Variants in CEP350 observed in about 807,000 individuals in gnomAD.
CEP350 encodes the protein centrosomal protein 350.
In CEP350, 126 loss-of-function variants were observed where a neutral mutation model predicts 331.8. The observed-to-expected ratio is 0.38, with a 90% CI of 0.33 to 0.44. The LOEUF (loss-of-function observed/expected upper bound fraction) is 0.44. Among genes scored for constraint, CEP350 ranks in the 20% least tolerant of loss-of-function variants. CEP350 has a pLI of 1.00. For missense variants in CEP350, 3,406 were observed against 3,634.6 expected (o/e 0.94, Z 1.62); for synonymous variants, 1,200 against 1,259.5 (o/e 0.95, Z 1.00).
chr1:179,997,155 C>T lies in CEP350; in HGVS notation c.998C>T (p.Pro333Leu). 1 of 1,613,282 alleles carries T rather than the reference C, an allele frequency of 6.2e-7. No individual in the cohort carries two copies. Among genetic ancestry groups the T allele is most frequent in the East Asian group, 2.2e-5 (1 of 44,872 alleles). The change falls in exon 6 of 38, where the codon CCA (proline) becomes CTA (leucine). Residue 333 changes from proline to leucine, a missense_variant. Physicochemically the swap from Pro to Leu is moderately conservative, Grantham distance 98. Transcript: ENST00000367607. Reference sequence around the variant, plus strand: ...AAAGTCAGAAAAGTGGCAACAGCACCACCTGCTCCAGCATATAAAGGTTTG... The same window carrying T: ...AAAGTCAGAAAAGTGGCAACAGCACTACCTGCTCCAGCATATAAAGGTTTG... ...TAKVRKVATAPPAPAYKGFNP... is the reference protein window; with the variant it reads ...TAKVRKVATALPAPAYKGFNP...
intron 1 of CEP350, among the ~76,000 whole-genome samples, chr1:179,981,179 A>G (rs542901511): frequency 1.3e-5 from 2 of 152,300 alleles, no homozygotes; most frequent in South Asian, 2.1e-4. Flanking sequence ...TATGAAATGG[A>G]CAAAAATTCA....
At position 180,020,249 on chromosome 1, in the gene CEP350, T is replaced by C; in HGVS notation, c.2475T>C (p.Ile825=). Residue 825 remains isoleucine, a synonymous_variant, in exon 12 of 38, where the codon ATT becomes ATC. Transcript: ENST00000367607. The part of the protein sequence containing the change: ...ASQYKSKLDR[I]EALKATAASL... The stretch of plus-strand genomic sequence containing the variant: ...AATATAAGAGTAAACTGGATCGTAT[T>C]GAAGCCTTGAAAGCAACAGCTGCTT... The C allele has an allele frequency of 6.2e-7, 1 of 1,614,060 alleles. No homozygotes were observed.
At chr1:180,069,914 T>G (rs1658781831) in intron 27 of CEP350, among the ~76,000 whole-genome samples, 1 of 152,220 alleles carries the variant, frequency 6.6e-6, no homozygotes, top group East Asian at 1.9e-4. Flanking sequence ...TGTTTTAGTT[T>G]AGCTAGGTAG....
intron 22 of CEP350, chr1:180,052,081 A>G (rs747410941): frequency 1.6e-5 from 5 of 321,912 alleles, no homozygotes; most frequent in Non-Finnish European, 2.4e-5. Flanking sequence ...ATGCGTAACT[A>G]TGTGCACACA....
At chr1:179,998,303 CTTTTTTTTTTTTT>C (rs763257368) in intron 6 of CEP350, among the ~76,000 whole-genome samples, 3 of 112,080 alleles carry the variant, frequency 2.7e-5, no homozygotes, top group Non-Finnish European at 1.9e-5. Flanking sequence ...CTTCTATTTT[CTTTTTTTTTTTTT>C]TTTTTTTTTT....
intron 8 of CEP350, among the ~76,000 whole-genome samples, chr1:180,009,982 G>T (rs2148789465): frequency 6.6e-6 from 1 of 151,936 alleles, no homozygotes; most frequent in East Asian, 1.9e-4. Context: ...CAGAAAGCTG[G>T]GAAAATAGAA....
At position 180,020,321 on chromosome 1, in the gene CEP350, C is replaced by T. The variant is rs1338298724; in HGVS notation, c.2547C>T (p.Ala849=). 1.2e-6 allele frequency: 2 copies of T among 1,613,752 alleles called. No individual in the cohort carries two copies. Among genetic ancestry groups the T allele is most frequent in the African/African-American group, 2.7e-5 (2 of 74,892 alleles). Residue 849 remains alanine (A), a synonymous_variant, in exon 12 of 38, where the codon GCC becomes GCT. Coordinates refer to ENST00000367607, the MANE Select transcript of CEP350 (RefSeq NM_014810.5). ...IESEAKKLAG[A]SINYGSAWNT... is the part of the protein sequence containing the mutation. ...GTGAAGCCAAGAAATTAGCTGGGGC[C>T]AGCATTAACTATGGGTCAGCATGGA...
intron 10 of CEP350, 132 bp from the exon 11 acceptor site, chr1:180,015,717 T>A: frequency 8.9e-7 from 1 of 1,121,734 alleles, no homozygotes; most frequent in Non-Finnish European, 1.2e-6. Flanking sequence ...TTAATTGGTT[T>A]TGTTTGACAA....
In CEP350 at chr1:180,114,290, T is replaced by C. The variant is rs1324310522; in HGVS notation, c.*3129T>C. The C allele has an allele frequency of 6.5e-6, 1 of 152,676 alleles. No homozygotes were observed. Among genetic ancestry groups the C allele is most frequent in the African/African-American group, 2.4e-5 (1 of 41,466 alleles). 9.5% of individuals were successfully genotyped at this position (152,676 alleles called of 1,614,324 possible). On this transcript the variant is annotated 3_prime_UTR_variant, in exon 38 of 38. Transcript: ENST00000367607. ...CAGCATTAGAGACTCATAACTTTTC[T>C]GCAAGAAATACAAACTTACATCTTC...
rs184997478 is a variant in CEP350 at position 179,994,096 on chromosome 1, C to T, written c.395+1875C>T. ...TAAATATTTTTTCCTAAAATATTAC[C>T]AGGAAAAATTTCAAATTTACAGAAA... On this transcript the variant is annotated intron_variant, in intron 5 of 37. Coordinates refer to ENST00000367607, the MANE Select transcript of CEP350 (RefSeq NM_014810.5). Among the ~76,000 whole-genome samples, 581 of 152,054 alleles carry T rather than the reference C, an allele frequency of 3.8e-3. 4 individuals are homozygous for T. Among genetic ancestry groups the T allele is most frequent in the South Asian group, 8.9e-3 (43 of 4,806 alleles).
intron 1 of CEP350, among the ~76,000 whole-genome samples, chr1:179,963,345 G>C (rs774840129): frequency 1.3e-5 from 2 of 151,832 alleles, no homozygotes; most frequent in Non-Finnish European, 2.9e-5. Flanking sequence ...TTGTTTTGTT[G>C]CATTTGCCTT....
chr1:180,107,891 G>A (rs1661235820), intron 37 of CEP350, among the ~76,000 whole-genome samples: 1 of 151,902 alleles, frequency 6.6e-6, no homozygotes, highest in African/African-American at 2.4e-5. Context: ...AATTAATTAA[G>A]CTGTTTATAT....
At chr1:180,052,409 C>T in intron 22 of CEP350, 2 of 337,702 alleles carry the variant, frequency 5.9e-6, no homozygotes, top group Non-Finnish European at 1.1e-5. Flanking sequence ...ATAGCTGATT[C>T]TAGGGCTGTA....
chr1:180,004,881 T>G (rs370733559), intron 7 of CEP350, among the ~76,000 whole-genome samples: 753 of 70,924 alleles, frequency 0.011, 9 homozygotes, highest in African/African-American at 0.029. Context: ...CTGGCTTGCT[T>G]GCTTGCTTGC....
rs1054883258 is a variant in CEP350 at position 179,966,449 on chromosome 1, T to C, written c.-14+11307T>C. Reference sequence around the variant, plus strand: ...GCCTAATAATAATGCATGTATAAGCTGGAAGGTGTAGTACTCAGGTCTTCA... The same window carrying C: ...GCCTAATAATAATGCATGTATAAGCCGGAAGGTGTAGTACTCAGGTCTTCA... On this transcript the variant is annotated intron_variant, in intron 1 of 37. Transcript: ENST00000367607. 3.3e-5 allele frequency among the ~76,000 whole-genome samples: 5 copies of C among 152,324 alleles called. No homozygotes were observed. In the South Asian group the frequency reaches 6.2e-4, roughly 19 times the overall value.
At chr1:180,017,322 A>G (rs986035969) in intron 11 of CEP350, among the ~76,000 whole-genome samples, 2 of 152,210 alleles carry the variant, frequency 1.3e-5, no homozygotes, top group African/African-American at 4.8e-5. Context: ...TTTAAGTATA[A>G]ATAAACTTAA....
At chr1:180,064,331 G>C (rs1413790023) in intron 26 of CEP350, among the ~76,000 whole-genome samples, 1 of 151,950 alleles carries the variant, frequency 6.6e-6, no homozygotes. Flanking sequence ...CCCCACTCTT[G>C]CCCTCCTGTG....
chr1:180,057,099 C>CTTT (rs1184545742), intron 25 of CEP350, among the ~76,000 whole-genome samples: 2 of 137,728 alleles, frequency 1.5e-5, no homozygotes, highest in Non-Finnish European at 3.2e-5. Context: ...ACTTTTCTTT[C>CTTT]TTTTTTTTTT....
At chr1:180,079,937 T>C (rs1659455559) in intron 29 of CEP350, among the ~76,000 whole-genome samples, 1 of 152,190 alleles carries the variant, frequency 6.6e-6, no homozygotes, top group African/African-American at 2.4e-5. Context: ...TTACGTGGAT[T>C]ATCTCATTTA....
Sources: gnomAD v4.1 joint callset for allele counts (sites outside exome capture counted in the v4.1 genomes callset) on GRCh38, gnomAD v4.1.1 for gene constraint, MANE v1.5 for transcripts, NCBI Gene and HGNC (gene_info 2026-07-23, HGNC 2026-07-21) for gene names.